The following MEIOB variants were observed in gnomAD, a reference collection of about 807,000 sequenced individuals.
MEIOB encodes the protein meiosis-specific with OB domain-containing protein.
Under a neutral mutation model 53.1 loss-of-function variants are expected in MEIOB, and 50 were observed. The observed-to-expected ratio is 0.94, with a 90% CI of 0.75 to 1.19. The LOEUF is 1.19. Ranked by LOEUF, MEIOB falls within the 50% of genes most tolerant of loss-of-function variation. The pLI is 0.00. For missense variants in MEIOB, 551 were observed against 550.8 expected (o/e 1.00, Z 0.00); for synonymous variants, 192 against 182.5 (o/e 1.05, Z -0.42).
intron 3 of MEIOB, among the ~76,000 whole-genome samples, chr16:1,865,065 C>T (rs939866607): frequency 2.0e-5 from 3 of 152,136 alleles, no homozygotes; most frequent in African/African-American, 7.2e-5. Context: ...GGGATGATCA[C>T]TTGAGCCCAG....
Position 1,853,020 on chromosome 16 carries a change from G to A in MEIOB, c.778+19C>T. 6.8e-7 allele frequency: 1 copy of A among 1,470,420 alleles called. No individual in the cohort carries two copies. The highest frequency in any genetic ancestry group is 1.1e-5 in the South Asian group (1 of 87,668). The allele number at this position is 1,470,420 out of a possible 1,614,324, so 91.1% of individuals were successfully genotyped here. ...TCAGTCATTTCCAAAGGGATAAAAG[G>A]TTTCACAAAGTTTTTTACCTGGATT... is the stretch of plus-strand genomic sequence containing the variant. On this transcript the variant is annotated intron_variant, in intron 9 of 13. Transcript: ENST00000325962.
In MEIOB at chr16:1,856,117, C is replaced by T. The variant is rs1016368541; in HGVS notation, c.528+1618G>A. On this transcript the variant is annotated intron_variant, in intron 6 of 13. Coordinates refer to ENST00000325962, the MANE Select transcript of MEIOB (RefSeq NM_001163560.3). ...TCAAGTAATTCTCCTGCCTCAGCCTCCTGAGTAGCTGGGACTCCAGGTACC... is the reference window on the plus strand; with the variant it reads ...TCAAGTAATTCTCCTGCCTCAGCCTTCTGAGTAGCTGGGACTCCAGGTACC... Among the ~76,000 whole-genome samples the T allele has an allele frequency of 4.0e-5, 6 of 151,644 alleles. No homozygotes were observed. In the East Asian group the frequency reaches 1.2e-3, roughly 30 times the overall value.
At chr16:1,843,303 A>AT (rs1319972704) in intron 10 of MEIOB, 5 of 142,976 alleles carry the variant, frequency 3.5e-5, no homozygotes, top group Admixed American at 1.4e-4. Flanking sequence ...AAAAAATAAA[A>AT]TAAAAAAAAA....
At chr16:1,868,640 G>C (rs4451945) in intron 1 of MEIOB, among the ~76,000 whole-genome samples, 125,107 of 151,738 alleles carry the variant, frequency 0.82, 51,712 homozygotes, top group Middle Eastern at 0.89. Flanking sequence ...CGGATCACAG[G>C]GTCAGGAGAT....
At chr16:1,835,340 G>A (rs1387801159) in intron 13 of MEIOB, among the ~76,000 whole-genome samples, 3 of 152,038 alleles carry the variant, frequency 2.0e-5, no homozygotes, top group African/African-American at 7.2e-5. Context: ...ACTTTAAGCT[G>A]TAGCAGGGAC....
rs558481193 is a variant in MEIOB at position 1,851,987 on chromosome 16, T to C, written c.778+1052A>G. 1.2e-4 allele frequency among the ~76,000 whole-genome samples: 18 copies of C among 152,276 alleles called. No homozygotes were observed. The South Asian group carries it at 3.3e-3, about 28-fold the overall frequency. On this transcript the variant is annotated intron_variant, in intron 9 of 13. Coordinates refer to ENST00000325962, the MANE Select transcript of MEIOB (RefSeq NM_001163560.3). ...CATCTCCCCAATCTGGCTTCCTTGA[T>C]TTCATGCTGTAATAAACTGTAACTC...
intron 3 of MEIOB, among the ~76,000 whole-genome samples, chr16:1,862,969 CCT>C (rs1402761435): frequency 1.3e-5 from 2 of 151,626 alleles, no homozygotes; most frequent in African/African-American, 4.8e-5. Flanking sequence ...ACAGCTTACC[CCT>C]GTGATCCCAG....
intron 6 of MEIOB, among the ~76,000 whole-genome samples, chr16:1,855,454 G>A (rs762835609): frequency 9.2e-5 from 14 of 151,878 alleles, no homozygotes; most frequent in African/African-American, 9.7e-5. Context: ...GAAAAAAAAA[G>A]TATGAAGAAA....
Position 1,857,795 on chromosome 16 carries a change from A to T in MEIOB, c.468T>A (p.Ile156=), listed in dbSNP as rs1567279151. Reference sequence around the variant, plus strand: ...CATTAAGACTGTGTCCATTTGCAACAATGTCACCCAGTGAATAATAATCAT... The same window carrying T: ...CATTAAGACTGTGTCCATTTGCAACTATGTCACCCAGTGAATAATAATCAT... ...ESHDYYSLGD[I]VANGHSLNGR... The change falls in exon 6 of 14, where the codon ATT becomes ATA. Residue 156 remains isoleucine (I), a synonymous_variant. Transcript: ENST00000325962. The T allele has an allele frequency of 2.6e-6, 4 of 1,552,000 alleles. No homozygotes were observed. The highest frequency in any genetic ancestry group is 3.5e-6 in the Non-Finnish European group (4 of 1,146,996).
chr16:1,864,264 G>C (rs765539658), intron 3 of MEIOB, among the ~76,000 whole-genome samples: 2 of 152,172 alleles, frequency 1.3e-5, no homozygotes, highest in African/African-American at 4.8e-5. Context: ...AGAGTGAGGA[G>C]CTGAAAGGGG....
rs898185846 is a variant in MEIOB, at chr16:1,857,712, G to A, written c.528+23C>T. 12 of 1,544,760 alleles carry A rather than the reference G, an allele frequency of 7.8e-6. 1 individual carries two copies. The highest frequency in any genetic ancestry group is 1.1e-5 in the Non-Finnish European group (12 of 1,142,218). ...CACCTCCCCTGCCAGATTGCACTTG[G>A]CTTTGTCGGGGTTTTAACTTACCGA... On this transcript the variant is annotated intron_variant, in intron 6 of 13. Transcript: ENST00000325962.
intron 9 of MEIOB, 148 bp downstream of exon 9, chr16:1,852,891 T>C: frequency 1.7e-6 from 1 of 584,248 alleles, no homozygotes; most frequent in Non-Finnish European, 3.0e-6. Context: ...AAGTTCATTG[T>C]AAGTTTTTAA....
Position 1,853,122 on chromosome 16 carries a change from G to A in MEIOB, c.695C>T (p.Ser232Leu). 2 of 1,611,396 alleles carry A rather than the reference G, an allele frequency of 1.2e-6. No homozygotes were observed. Among genetic ancestry groups the A allele is most frequent in the Non-Finnish European group, 8.5e-7 (1 of 1,178,124 alleles). The change falls in exon 9 of 14, where the codon TCA becomes TTA. Residue 232 changes from serine to leucine, a missense_variant. Ser to Leu is a moderately radical substitution (Grantham distance 145). Transcript: ENST00000325962. Reference sequence around the variant, plus strand: ...TTTGTCAAAATTTATTCTTACATCTGAGGCAAATATTACTGTTTGGGAAAA... The same window carrying A: ...TTTGTCAAAATTTATTCTTACATCTAAGGCAAATATTACTGTTTGGGAAAA... ...WMPRETVIFASDVRINFDKFR... is the reference protein window; with the variant it reads ...WMPRETVIFALDVRINFDKFR...
At chr16:1,860,093 G>C (rs1188172094) in intron 5 of MEIOB, among the ~76,000 whole-genome samples, 1 of 152,132 alleles carries the variant, frequency 6.6e-6, no homozygotes, top group Admixed American at 6.6e-5. Flanking sequence ...AGGATACCTT[G>C]ACATGAAAAA....
chr16:1,842,560 T>C (rs1898937440), intron 10 of MEIOB, among the ~76,000 whole-genome samples: 1 of 135,400 alleles, frequency 7.4e-6, no homozygotes, highest in African/African-American at 2.8e-5. Flanking sequence ...GAAGTGGAGG[T>C]TGTGGTGAGC....
At chr16:1,841,692 A>ACAT (rs1313835934) in intron 11 of MEIOB, 128 bp downstream of exon 11, 1 of 531,254 alleles carries the variant, frequency 1.9e-6, no homozygotes, top group Non-Finnish European at 3.0e-6. Context: ...AGTTTTTTAC[A>ACAT]CATTTATCTC....
At position 1,834,225 on chromosome 16, in the gene MEIOB, A is replaced by T; in HGVS notation, c.*31T>A. On this transcript the variant is annotated 3_prime_UTR_variant, in exon 14 of 14. Coordinates refer to ENST00000325962, the MANE Select transcript of MEIOB (RefSeq NM_001163560.3). Reference sequence around the variant, plus strand: ...TTTTAAAGGGAGTTAAAACTCTTATACTTTTCCAGAGTTCAAAATGATAGA... The same window carrying T: ...TTTTAAAGGGAGTTAAAACTCTTATTCTTTTCCAGAGTTCAAAATGATAGA... 8 of 1,182,714 alleles carry T rather than the reference A, an allele frequency of 6.8e-6. No individual in the cohort carries two copies. The highest frequency in any genetic ancestry group is 8.8e-6 in the Non-Finnish European group (7 of 799,698). 73.3% of individuals were successfully genotyped at this position (1,182,714 alleles called of 1,614,324 possible). A position where few individuals can be genotyped will look rare whatever the true frequency, so the allele number is the denominator to read the frequency against.
intron 6 of MEIOB, among the ~76,000 whole-genome samples, chr16:1,855,090 A>AAC (rs1402445690): frequency 1.9e-3 from 288 of 152,324 alleles, no homozygotes; most frequent in Non-Finnish European, 3.1e-3. Context: ...AAGGAGTTTT[A>AAC]AAGTGAAACG....
In MEIOB at chr16:1,854,301, T is replaced by G. The variant is rs370390723; in HGVS notation, c.529-101A>C. On this transcript the variant is annotated intron_variant, in intron 6 of 13. Transcript: ENST00000325962. ...AATGTTCACCTTTTAAACACCAAAT[T>G]AGAAATATTAAACTAGCAAGAACCA... is the stretch of plus-strand genomic sequence containing the variant. 1,635 of 676,108 alleles carry G rather than the reference T, an allele frequency of 2.4e-3. 15 individuals are homozygous for G. The highest frequency in any genetic ancestry group is 0.015 in the South Asian group (785 of 52,978). The allele number at this position is 676,108 out of a possible 1,614,324, so 41.9% of individuals were successfully genotyped here.
Sources: allele counts gnomAD v4.1 joint callset (sites outside exome capture counted in the v4.1 genomes callset), GRCh38; gene constraint gnomAD v4.1.1; transcripts MANE v1.5; gene names NCBI Gene and HGNC (gene_info 2026-07-23, HGNC 2026-07-21).